The following MAP2K4 variants were observed in gnomAD, a reference collection of about 807,000 sequenced individuals.
The protein encoded by MAP2K4 is dual specificity mitogen-activated protein kinase kinase 4.
MAP2K4 carries 4 observed loss-of-function variants against 48.5 expected under a neutral mutation model. The ratio of observed to expected loss-of-function variants is 0.08; its 90% CI spans 0.04 to 0.19. The LOEUF (loss-of-function observed/expected upper bound fraction) is 0.19. MAP2K4 is among the 10% of genes least tolerant of loss of function. MAP2K4 has a pLI of 1.00. For missense variants in MAP2K4, 258 were observed against 493.3 expected (o/e 0.52, Z 4.52); for synonymous variants, 166 against 173.1 (o/e 0.96, Z 0.32).
At chr17:12,084,386 G>A (rs1971291642) in intron 3 of MAP2K4, among the ~76,000 whole-genome samples, 1 of 152,128 alleles carries the variant, frequency 6.6e-6, no homozygotes, top group Non-Finnish European at 1.5e-5. Flanking sequence ...ACGTGCTTGG[G>A]AAAAGGGTCT....
chr17:12,045,245 TGTTATA>T (rs1297181028), intron 1 of MAP2K4, among the ~76,000 whole-genome samples: 8 of 152,232 alleles, frequency 5.3e-5, no homozygotes. Flanking sequence ...AAAATATTGA[TGTTATA>T]GTTATAAAAT....
intron 1 of MAP2K4, among the ~76,000 whole-genome samples, chr17:12,024,054 T>C (rs1375518810): frequency 6.6e-6 from 1 of 152,184 alleles, no homozygotes; most frequent in African/African-American, 2.4e-5. Flanking sequence ...TATTACTAGG[T>C]CCCACTGTTC....
At position 12,065,984 on chromosome 17, in the gene MAP2K4, G is replaced by A. The variant is rs544197301; in HGVS notation, c.218+10993G>A. On this transcript the variant is annotated intron_variant, in intron 2 of 10. Coordinates refer to ENST00000353533, the MANE Select transcript of MAP2K4 (RefSeq NM_003010.4). ...AACCCTAGAGTGAAATTTTTAAGAAGGTTATCAAGTTTCTTTTGAGAATTA... is the reference window on the plus strand; with the variant it reads ...AACCCTAGAGTGAAATTTTTAAGAAAGTTATCAAGTTTCTTTTGAGAATTA... 3.2e-4 allele frequency among the ~76,000 whole-genome samples: 49 copies of A among 152,194 alleles called. No homozygotes were observed. In the South Asian group the frequency reaches 8.9e-3, roughly 28 times the overall value.
chr17:12,059,268 G>T (rs973125846), intron 2 of MAP2K4, among the ~76,000 whole-genome samples: 1 of 152,122 alleles, frequency 6.6e-6, no homozygotes, highest in African/African-American at 2.4e-5. Context: ...TTTTCATCAG[G>T]TTTGGATTCT....
intron 7 of MAP2K4, among the ~76,000 whole-genome samples, chr17:12,117,715 G>C (rs1311840548): frequency 1.3e-5 from 2 of 152,138 alleles, no homozygotes; most frequent in African/African-American, 4.8e-5. Flanking sequence ...GGGATAAAGG[G>C]GAAGTGTTTA....
At chr17:12,063,215 G>A (rs1970507583) in intron 2 of MAP2K4, among the ~76,000 whole-genome samples, 2 of 152,110 alleles carry the variant, frequency 1.3e-5, no homozygotes, top group Admixed American at 6.5e-5. Flanking sequence ...CTGATTTCAA[G>A]GTTATCTGTA....
chr17:12,029,983 A>G (rs1270126845), intron 1 of MAP2K4, among the ~76,000 whole-genome samples: 1 of 152,122 alleles, frequency 6.6e-6, no homozygotes, highest in East Asian at 1.9e-4. Flanking sequence ...ATTATATCAT[A>G]ACTAAGAACT....
chr17:12,086,997 C>T (rs1441128776), intron 3 of MAP2K4, among the ~76,000 whole-genome samples: 1 of 152,094 alleles, frequency 6.6e-6, no homozygotes, highest in Admixed American at 6.5e-5. Context: ...AAGGCACGCA[C>T]CACCACACCC....
intron 9 of MAP2K4, among the ~76,000 whole-genome samples, chr17:12,136,715 G>C (rs116249620): frequency 1.3e-5 from 2 of 152,096 alleles, no homozygotes; most frequent in Admixed American, 6.5e-5. Context: ...AACCCAAATA[G>C]CATCATAAGT....
intron 1 of MAP2K4, among the ~76,000 whole-genome samples, chr17:12,030,648 A>C (rs1435939829): frequency 6.6e-6 from 1 of 152,296 alleles, no homozygotes; most frequent in East Asian, 1.9e-4. Flanking sequence ...AAGCAATGTA[A>C]CTTTTTTTAA....
chr17:12,046,239 C>T (rs985986133), intron 1 of MAP2K4, among the ~76,000 whole-genome samples: 3 of 152,164 alleles, frequency 2.0e-5, no homozygotes, highest in Admixed American at 6.5e-5. Context: ...CCATTTGGAA[C>T]CTTCTCAGAG....
chr17:12,036,723 A>G (rs1482390659), intron 1 of MAP2K4: 1 of 150,360 alleles, frequency 6.7e-6, no homozygotes, highest in Non-Finnish European at 1.5e-5. Flanking sequence ...TTTTTTTCAG[A>G]TGAGAATCGT....
rs565237638 is a variant in MAP2K4 at position 12,111,186 on chromosome 17, A to AGG, written c.685+761_685+762dup. ...TGATTTAGCCTGACAGTAAATAGGA[A>AGG]GGAAAGTAAAGGGTCAAAATGAAGA... On this transcript the variant is annotated intron_variant, in intron 6 of 10. Coordinates refer to ENST00000353533, the MANE Select transcript of MAP2K4 (RefSeq NM_003010.4). Among the ~76,000 whole-genome samples, 323 of 152,284 alleles carry AGG rather than the reference A, an allele frequency of 2.1e-3. 2 individuals are homozygous for AGG. Among genetic ancestry groups the AGG allele is most frequent in the Non-Finnish European group, 3.6e-3 (245 of 68,014 alleles).
At chr17:12,141,055 G>T (rs1016131672) in intron 10 of MAP2K4, 92 bp from the exon 11 acceptor site, 2 of 752,978 alleles carry the variant, frequency 2.7e-6, no homozygotes, top group Non-Finnish European at 4.7e-6. Context: ...GTGGTTGGGA[G>T]CCTGGAGTTC....
intron 4 of MAP2K4, among the ~76,000 whole-genome samples, chr17:12,106,487 C>T (rs1972116522): frequency 1.3e-5 from 2 of 152,058 alleles, no homozygotes; most frequent in African/African-American, 4.8e-5. Context: ...AGAAGAAACA[C>T]ATTAGGGACA....
intron 7 of MAP2K4, among the ~76,000 whole-genome samples, chr17:12,123,389 C>T (rs971950203): frequency 1.3e-5 from 2 of 151,808 alleles, no homozygotes; most frequent in Non-Finnish European, 2.9e-5. Flanking sequence ...AGTAATGGCC[C>T]CTCTTTCATT....
At chr17:12,024,918 G>A (rs1169975179) in intron 1 of MAP2K4, among the ~76,000 whole-genome samples, 2 of 152,124 alleles carry the variant, frequency 1.3e-5, no homozygotes, top group East Asian at 1.9e-4. Context: ...AGAAGATCCC[G>A]TTATACCAGG....
chr17:12,084,274 A>T (rs1312675618), intron 3 of MAP2K4, among the ~76,000 whole-genome samples: 1 of 152,188 alleles, frequency 6.6e-6, no homozygotes, highest in African/African-American at 2.4e-5. Flanking sequence ...TACTTAAAAC[A>T]ATTTTTTGAT....
intron 7 of MAP2K4, chr17:12,124,533 T>A (rs914111374): frequency 6.6e-6 from 1 of 152,336 alleles, no homozygotes; most frequent in South Asian, 2.1e-4. Flanking sequence ...ATTTAGCTCT[T>A]GTTTTGCTTT....
Sources: allele counts gnomAD v4.1 joint callset (sites outside exome capture counted in the v4.1 genomes callset), GRCh38; gene constraint gnomAD v4.1.1; transcripts MANE v1.5; gene names NCBI Gene and HGNC (gene_info 2026-07-23, HGNC 2026-07-21).